The following GPM6A variants were observed in gnomAD, a reference collection of about 807,000 sequenced individuals.
GPM6A encodes glycoprotein M6A.
GPM6A carries 7 observed loss-of-function variants against 32.1 expected under a neutral mutation model. That is an observed-to-expected ratio of 0.22 (90% CI 0.12 to 0.41). The LOEUF is 0.41. Ranked by LOEUF, GPM6A falls within the 10% of genes least tolerant of loss-of-function variation. GPM6A has a pLI of 1.00. For synonymous variants in GPM6A, 130 were observed against 123.4 expected (o/e 1.05, Z -0.35); for missense variants, 235 against 347.2 (o/e 0.68, Z 2.57).
intron 1 of GPM6A, among the ~76,000 whole-genome samples, chr4:175,714,727 A>G (rs1266730312): frequency 6.6e-6 from 1 of 152,220 alleles, no homozygotes; most frequent in Non-Finnish European, 1.5e-5. Context: ...TTAAAATGCT[A>G]TCATGAAAAT....
At chr4:175,840,298 A>G (rs1735895100) in intron 1 of GPM6A, among the ~76,000 whole-genome samples, 1 of 152,238 alleles carries the variant, frequency 6.6e-6, no homozygotes, top group Admixed American at 6.5e-5. Flanking sequence ...ATGCCAATTT[A>G]AAGAAATTTT....
chr4:175,638,058 A>C (rs1174914263), intron 6 of GPM6A, among the ~76,000 whole-genome samples: 1 of 149,256 alleles, frequency 6.7e-6, no homozygotes, highest in Non-Finnish European at 1.5e-5. Context: ...GATTACTGAA[A>C]TCTGGTCCAA....
At chr4:175,681,526 T>G (rs1743687168) in intron 2 of GPM6A, among the ~76,000 whole-genome samples, 1 of 152,194 alleles carries the variant, frequency 6.6e-6, no homozygotes, top group Admixed American at 6.5e-5. Flanking sequence ...TATTTGTCCT[T>G]GCCTAAACTT....
At chr4:175,859,428 T>C (rs1030196944) in intron 1 of GPM6A, among the ~76,000 whole-genome samples, 1 of 152,212 alleles carries the variant, frequency 6.6e-6, no homozygotes. Context: ...TCTTCTAAAT[T>C]AGTGCCAAAC....
chr4:175,874,378 G>A (rs970609971), intron 1 of GPM6A, among the ~76,000 whole-genome samples: 2 of 152,132 alleles, frequency 1.3e-5, no homozygotes, highest in African/African-American at 4.8e-5. Context: ...TTCAAGAAAA[G>A]ACCTACAGCC....
At chr4:175,687,257 G>A (rs922152670) in intron 2 of GPM6A, among the ~76,000 whole-genome samples, 1 of 152,096 alleles carries the variant, frequency 6.6e-6, no homozygotes, top group East Asian at 1.9e-4. Flanking sequence ...GCACAACGTG[G>A]TATAGCAGAT....
chr4:175,877,684 A>G (rs1452470329), intron 1 of GPM6A, among the ~76,000 whole-genome samples: 1 of 152,142 alleles, frequency 6.6e-6, no homozygotes, highest in Non-Finnish European at 1.5e-5. Context: ...AGATTATTAC[A>G]ATTCAAGGTG....
chr4:175,925,882 C>T (rs1239133295), intron 1 of GPM6A, among the ~76,000 whole-genome samples: 29 of 138,318 alleles, frequency 2.1e-4, no homozygotes, highest in African/African-American at 7.9e-4. Context: ...GAGAGAGTCT[C>T]ATTCTGTCAT....
At chr4:175,822,598 G>A (rs938679984) in intron 1 of GPM6A, among the ~76,000 whole-genome samples, 8 of 151,486 alleles carry the variant, frequency 5.3e-5, no homozygotes, top group African/African-American at 1.7e-4. Context: ...AATGTTAAGA[G>A]TGCTTATTTC....
intron 4 of GPM6A, among the ~76,000 whole-genome samples, chr4:175,647,019 T>C (rs1741498992): frequency 6.6e-6 from 1 of 152,238 alleles, no homozygotes; most frequent in Non-Finnish European, 1.5e-5. Flanking sequence ...GCGAGCACTG[T>C]GACCTAGATC....
intron 2 of GPM6A, among the ~76,000 whole-genome samples, chr4:175,676,562 C>T (rs750945469): frequency 2.0e-5 from 3 of 152,140 alleles, no homozygotes; most frequent in Non-Finnish European, 4.4e-5. Flanking sequence ...GCCTGGTCAA[C>T]ATAGAGACAC....
At chr4:175,949,490 C>T (rs2126369877) in intron 1 of GPM6A, among the ~76,000 whole-genome samples, 1 of 152,252 alleles carries the variant, frequency 6.6e-6, no homozygotes, top group South Asian at 2.1e-4. Flanking sequence ...ATAAATTTTA[C>T]ATTACATCTT....
chr4:175,993,373 CTT>C (rs981024577), intron 1 of GPM6A, among the ~76,000 whole-genome samples: 3 of 151,178 alleles, frequency 2.0e-5, no homozygotes, highest in Non-Finnish European at 4.4e-5. Context: ...TCTTAAAACT[CTT>C]TTTTTTTCTT....
intron 1 of GPM6A, among the ~76,000 whole-genome samples, chr4:175,763,931 T>C (rs1732855922): frequency 1.3e-5 from 2 of 152,180 alleles, no homozygotes; most frequent in African/African-American, 4.8e-5. Context: ...TATGCAGTTA[T>C]CAGAAACATG....
At chr4:175,835,719 A>G (rs1239752925) in intron 1 of GPM6A, among the ~76,000 whole-genome samples, 1 of 147,144 alleles carries the variant, frequency 6.8e-6, no homozygotes, top group Non-Finnish European at 1.5e-5. Context: ...TTTACAGTAC[A>G]TATTAACTAT....
chr4:175,949,340 G>T (rs1300050898), intron 1 of GPM6A, among the ~76,000 whole-genome samples: 1 of 151,916 alleles, frequency 6.6e-6, no homozygotes, highest in South Asian at 2.1e-4. Flanking sequence ...TAGAGACAGG[G>T]TCTCATGGCT....
chr4:175,946,311 C>A (rs1179080836), intron 1 of GPM6A, among the ~76,000 whole-genome samples: 2 of 152,168 alleles, frequency 1.3e-5, no homozygotes, highest in Admixed American at 6.5e-5. Flanking sequence ...ATGTTCCTAT[C>A]ATCTTCCATT....
chr4:175,787,913 A>G (rs1733862921), intron 1 of GPM6A: 1 of 152,534 alleles, frequency 6.6e-6, no homozygotes, highest in African/African-American at 2.4e-5. Flanking sequence ...TGAATGAATG[A>G]ACAAATCAAT....
chr4:175,637,669 T>TATC (rs1740837710), intron 6 of GPM6A, among the ~76,000 whole-genome samples: 1 of 384 alleles, frequency 2.6e-3, no homozygotes, highest in Non-Finnish European at 0.016. Flanking sequence ...ATATATAATA[T>TATC]ATATAATATA....
Sources: gnomAD v4.1 joint callset for allele counts (sites outside exome capture counted in the v4.1 genomes callset) on GRCh38, gnomAD v4.1.1 for gene constraint, MANE v1.5 for transcripts, NCBI Gene and HGNC (gene_info 2026-07-23, HGNC 2026-07-21) for gene names.